BCKDHB: variants seen among roughly 807,000 people sequenced by gnomAD.
BCKDHB encodes the protein 2-oxoisovalerate dehydrogenase subunit beta, mitochondrial.
In BCKDHB, 41 loss-of-function variants were observed where a neutral mutation model predicts 48.5. The observed-to-expected ratio is 0.85, with a 90% confidence interval of 0.66 to 1.10. BCKDHB has a LOEUF of 1.10. Ranked by LOEUF, BCKDHB falls within the 50% of genes least tolerant of loss-of-function variation. BCKDHB has a pLI of 0.00. For missense variants in BCKDHB, 496 were observed against 494.2 expected (o/e 1.00, Z -0.03); for synonymous variants, 201 against 174.8 (o/e 1.15, Z -1.18).
chr6:80,419,746 C>T, the BCKDHB span, among the ~76,000 whole-genome samples: 17 of 152,178 alleles, frequency 1.1e-4, no homozygotes, highest in Non-Finnish European at 2.1e-4. Context: ...TCACCTCTTC[C>T]CCCAGAGCCA....
intron 9 of BCKDHB, among the ~76,000 whole-genome samples, chr6:80,286,037 A>G (rs1390424967): frequency 6.6e-6 from 1 of 152,108 alleles, no homozygotes; most frequent in Non-Finnish European, 1.5e-5. Context: ...TTAACTTTTT[A>G]AATTGATACT....
At chr6:80,352,222 G>C in the BCKDHB span, among the ~76,000 whole-genome samples, 1 of 151,648 alleles carries the variant, frequency 6.6e-6, no homozygotes, top group Admixed American at 6.6e-5. Flanking sequence ...CAAGCCATCT[G>C]CCTGTCTCTG....
intron 9 of BCKDHB, among the ~76,000 whole-genome samples, chr6:80,323,345 G>T (rs993298217): frequency 6.6e-6 from 1 of 151,864 alleles, no homozygotes; most frequent in African/African-American, 2.4e-5. Context: ...ATTGACTTTT[G>T]TTTTTTTAAT....
chr6:80,275,041 A>G (rs760905005), intron 9 of BCKDHB, among the ~76,000 whole-genome samples: 1 of 152,064 alleles, frequency 6.6e-6, no homozygotes, highest in Non-Finnish European at 1.5e-5. Context: ...ATTGTCAATG[A>G]GAGTATCAGA....
chr6:80,155,741 C>T (rs1582248990), intron 3 of BCKDHB, among the ~76,000 whole-genome samples: 1 of 151,780 alleles, frequency 6.6e-6, no homozygotes, highest in East Asian at 1.9e-4. Flanking sequence ...TTCTTTTTTT[C>T]CCCAATAGAT....
the BCKDHB span, among the ~76,000 whole-genome samples, chr6:80,382,548 A>C: frequency 7.2e-5 from 11 of 152,212 alleles, no homozygotes; most frequent in Non-Finnish European, 1.6e-4. Context: ...CAGATGCTTC[A>C]GTTCAGCATT....
At chr6:80,107,325 G>C (rs553459769) in intron 1 of BCKDHB, among the ~76,000 whole-genome samples, 1 of 144,426 alleles carries the variant, frequency 6.9e-6, no homozygotes, top group African/African-American at 2.5e-5. Flanking sequence ...TATTTTAAAT[G>C]TATATTATAT....
downstream of BCKDHB, among the ~76,000 whole-genome samples, chr6:80,351,079 G>T (rs958642613): frequency 3.3e-5 from 5 of 152,286 alleles, no homozygotes; most frequent in Non-Finnish European, 7.4e-5. Context: ...ATGATATTAT[G>T]TACATTTAAC....
intron 3 of BCKDHB, among the ~76,000 whole-genome samples, chr6:80,141,816 A>G (rs1417614474): frequency 1.3e-5 from 2 of 152,152 alleles, no homozygotes; most frequent in African/African-American, 2.4e-5. Flanking sequence ...TTATATTTTC[A>G]TTATCAAATA....
chr6:80,167,761 G>A lies in BCKDHB; in HGVS notation c.427G>A (p.Ala143Thr), dbSNP rs762398486. The change falls in exon 4 of 10, where the codon GCC (alanine) becomes ACC (threonine). Residue 143 changes from alanine to threonine, a missense_variant. Transcript: ENST00000320393. The stretch of plus-strand genomic sequence containing the variant: ...CGGAATTGCGGTCACTGGAGCTACT[G>A]CCATTGCGGAAATTCAGTTTGCAGA... ...GIGIAVTGAT[A>T]IAEIQFADYI... 1.7e-5 allele frequency: 28 copies of A among 1,613,700 alleles called. No homozygotes were observed. In the South Asian group the frequency reaches 3.1e-4, roughly 18 times the overall value.
chr6:80,394,218 T>G, the BCKDHB span, among the ~76,000 whole-genome samples: 1 of 152,180 alleles, frequency 6.6e-6, no homozygotes, highest in African/African-American at 2.4e-5. Flanking sequence ...TCTAATTTTC[T>G]TATGTTTTCT....
chr6:80,313,781 T>A (rs1243856342), intron 9 of BCKDHB, among the ~76,000 whole-genome samples: 1 of 152,252 alleles, frequency 6.6e-6, no homozygotes, highest in African/African-American at 2.4e-5. Context: ...ATCTTGGTTA[T>A]TTTTTGTCTT....
At chr6:80,349,857 T>C (rs1461847943), downstream of BCKDHB, among the ~76,000 whole-genome samples, 1 of 152,112 alleles carries the variant, frequency 6.6e-6, no homozygotes, top group Non-Finnish European at 1.5e-5. Context: ...TGCAATTTGA[T>C]AGATGAAGTA....
chr6:80,163,848 C>T (rs149267605), intron 3 of BCKDHB, among the ~76,000 whole-genome samples: 1 of 152,262 alleles, frequency 6.6e-6, no homozygotes, highest in East Asian at 1.9e-4. Flanking sequence ...TTGAATCATC[C>T]TTAGTATTGC....
chr6:80,459,441 A>T, the BCKDHB span, among the ~76,000 whole-genome samples: 2 of 152,108 alleles, frequency 1.3e-5, no homozygotes, highest in Admixed American at 1.3e-4. Flanking sequence ...AAATCCATAG[A>T]ATCAAAGAAA....
intron 9 of BCKDHB, among the ~76,000 whole-genome samples, chr6:80,284,075 G>A (rs1253484364): frequency 6.6e-6 from 1 of 151,964 alleles, no homozygotes; most frequent in Admixed American, 6.6e-5. Flanking sequence ...CAATAATGTT[G>A]GTGATGTTGA....
Position 80,111,908 on chromosome 6 carries a change from T to A in BCKDHB, c.196+5019T>A, listed in dbSNP as rs182507024. On this transcript the variant is annotated intron_variant, in intron 1 of 9. Coordinates refer to ENST00000320393, the MANE Select transcript of BCKDHB (RefSeq NM_183050.4). ...GCCCCCCAGAAAACCACATAATGAATATTTTATTCCTGATACACAACTCAA... is the reference window on the plus strand; with the variant it reads ...GCCCCCCAGAAAACCACATAATGAAAATTTTATTCCTGATACACAACTCAA... Among the ~76,000 whole-genome samples the A allele has an allele frequency of 3.9e-3, 600 of 152,272 alleles. 5 individuals carry two copies. Among genetic ancestry groups the A allele is most frequent in the Admixed American group, 4.8e-3 (73 of 15,300 alleles).
intron 8 of BCKDHB, among the ~76,000 whole-genome samples, chr6:80,246,810 C>T (rs1001398524): frequency 2.0e-5 from 3 of 151,966 alleles, no homozygotes; most frequent in African/African-American, 7.3e-5. Flanking sequence ...TCTGTCCAGC[C>T]CCATGCTGAC....
At chr6:80,164,435 T>C (rs1296365756) in intron 3 of BCKDHB, among the ~76,000 whole-genome samples, 2 of 152,200 alleles carry the variant, frequency 1.3e-5, no homozygotes, top group Non-Finnish European at 2.9e-5. Context: ...AGTGGGGTCT[T>C]CCCAATGTCC....
Sources: gnomAD v4.1 joint callset for allele counts (sites outside exome capture counted in the v4.1 genomes callset) on GRCh38, gnomAD v4.1.1 for gene constraint, MANE v1.5 for transcripts, NCBI Gene and HGNC (gene_info 2026-07-23, HGNC 2026-07-21) for gene names.